SPSB4: variants seen among roughly 807,000 people sequenced by gnomAD.
The protein encoded by SPSB4 is splA/ryanodine receptor domain and SOCS box containing 4, also known as SPRY domain-containing SOCS box protein 4.
Under a neutral mutation model 20.9 loss-of-function variants are expected in SPSB4, and 21 were observed. The observed-to-expected ratio is 1.01, with a 90% CI of 0.71 to 1.45. The LOEUF is 1.45. Among genes scored for constraint, SPSB4 ranks in the 40% most tolerant of loss-of-function variants. SPSB4 has a pLI of 0.00. For missense variants in SPSB4, 399 were observed against 399.2 expected, an observed-to-expected ratio of 1.00 and a Z score of 0.00; for synonymous variants, 207 against 183.8, an observed-to-expected ratio of 1.13 and a Z score of -1.02.
intron 2 of SPSB4, among the ~76,000 whole-genome samples, chr3:141,140,932 A>G (rs980359882): frequency 1.3e-5 from 2 of 152,246 alleles, no homozygotes; most frequent in East Asian, 3.8e-4. Flanking sequence ...CCAGAGGTGG[A>G]GCCTCCAGAG....
chr3:141,140,844 C>T (rs1939314133), intron 2 of SPSB4, among the ~76,000 whole-genome samples: 2 of 152,224 alleles, frequency 1.3e-5, no homozygotes, highest in African/African-American at 4.8e-5. Context: ...AGAACCACTA[C>T]TCTCTTCAAA....
chr3:141,072,329 T>A (rs1409017031), intron 2 of SPSB4, among the ~76,000 whole-genome samples: 1 of 152,258 alleles, frequency 6.6e-6, no homozygotes, highest in East Asian at 1.9e-4. Context: ...ATTTACTTGA[T>A]ATCGCTTGGA....
chr3:141,055,101 G>A (rs980847231), intron 1 of SPSB4, among the ~76,000 whole-genome samples: 1 of 152,238 alleles, frequency 6.6e-6, no homozygotes, highest in Non-Finnish European at 1.5e-5. Context: ...AAGGCTGGTT[G>A]GGCACTGGCT....
intron 2 of SPSB4, among the ~76,000 whole-genome samples, chr3:141,138,782 G>A (rs1939272949): frequency 6.6e-6 from 1 of 152,138 alleles, no homozygotes; most frequent in African/African-American, 2.4e-5. Flanking sequence ...GAATAGGTGT[G>A]GTGTGGTACT....
intron 2 of SPSB4, among the ~76,000 whole-genome samples, chr3:141,121,505 G>A (rs1938965715): frequency 6.6e-6 from 1 of 152,164 alleles, no homozygotes; most frequent in South Asian, 2.1e-4. Flanking sequence ...CCTGAAGAGT[G>A]TTTTCTAACT....
At chr3:141,099,300 T>G (rs1023040272) in intron 2 of SPSB4, among the ~76,000 whole-genome samples, 2 of 152,004 alleles carry the variant, frequency 1.3e-5, no homozygotes, top group African/African-American at 4.8e-5. Context: ...TTCTCCTGCC[T>G]CAGCCTCCCG....
At chr3:141,054,822 C>G (rs9784359) in intron 1 of SPSB4, among the ~76,000 whole-genome samples, 1 of 152,216 alleles carries the variant, frequency 6.6e-6, no homozygotes, top group African/African-American at 2.4e-5. Flanking sequence ...AAAATTAGCC[C>G]GGCGTGGCGG....
intron 2 of SPSB4, among the ~76,000 whole-genome samples, chr3:141,133,153 A>G (rs1464969768): frequency 6.6e-6 from 1 of 151,808 alleles, no homozygotes; most frequent in East Asian, 1.9e-4. Context: ...TTGATGGATT[A>G]TTTGTTTTTT....
chr3:141,069,763 G>T (rs1026942383), intron 2 of SPSB4, among the ~76,000 whole-genome samples: 13 of 152,140 alleles, frequency 8.5e-5, no homozygotes, highest in Admixed American at 2.6e-4. Flanking sequence ...CATAGCAATT[G>T]GTGCCCCTGT....
At chr3:141,134,098 A>G (rs1403246219) in intron 2 of SPSB4, among the ~76,000 whole-genome samples, 4 of 57,340 alleles carry the variant, frequency 7.0e-5, no homozygotes, top group African/African-American at 2.8e-4. Flanking sequence ...AAAGGGATTG[A>G]GTTCTTGATT....
intron 2 of SPSB4, among the ~76,000 whole-genome samples, chr3:141,119,309 G>T (rs570259195): frequency 6.6e-6 from 1 of 152,080 alleles, no homozygotes; most frequent in East Asian, 1.9e-4. Flanking sequence ...GTTGGTGTAT[G>T]GGAATGCTTC....
intron 1 of SPSB4, among the ~76,000 whole-genome samples, chr3:141,062,066 C>T (rs964288787): frequency 1.3e-5 from 2 of 152,174 alleles, no homozygotes; most frequent in Admixed American, 6.5e-5. Context: ...CAGATCCCAT[C>T]CAGGATACCA....
intron 2 of SPSB4, among the ~76,000 whole-genome samples, chr3:141,075,890 TACA>T (rs1938096485): frequency 5.5e-5 from 1 of 18,334 alleles, no homozygotes; most frequent in Non-Finnish European, 1.0e-4. Flanking sequence ...CTACTAAAAA[TACA>T]AAAAAAAAAA....
At chr3:141,075,354 A>T (rs957400921) in intron 2 of SPSB4, among the ~76,000 whole-genome samples, 1 of 152,166 alleles carries the variant, frequency 6.6e-6, no homozygotes, top group African/African-American at 2.4e-5. Flanking sequence ...GCCGCCGCTC[A>T]GACCATACAA....
At chr3:141,090,865 G>A (rs1388547139) in intron 2 of SPSB4, among the ~76,000 whole-genome samples, 1 of 152,254 alleles carries the variant, frequency 6.6e-6, no homozygotes, top group African/African-American at 2.4e-5. Flanking sequence ...TTCAATTAAG[G>A]TAAGAGATGC....
chr3:141,117,641 C>G (rs1202209077), intron 2 of SPSB4, among the ~76,000 whole-genome samples: 1 of 152,214 alleles, frequency 6.6e-6, no homozygotes, highest in Non-Finnish European at 1.5e-5. Flanking sequence ...CTAATGCTAT[C>G]CCTCCTATAG....
intron 2 of SPSB4, among the ~76,000 whole-genome samples, chr3:141,138,249 T>C (rs1348056864): frequency 1.3e-5 from 2 of 152,184 alleles, no homozygotes; most frequent in Admixed American, 1.3e-4. Flanking sequence ...GTCTTGCTAG[T>C]GGTCTATCAA....
At chr3:141,124,281 G>A (rs986683650) in intron 2 of SPSB4, 1 of 152,270 alleles carries the variant, frequency 6.6e-6, no homozygotes, top group Non-Finnish European at 1.5e-5. Flanking sequence ...TCCAGCAACA[G>A]GGAACAGTTC....
intron 2 of SPSB4, among the ~76,000 whole-genome samples, chr3:141,119,858 A>G (rs1269749935): frequency 2.0e-5 from 3 of 152,100 alleles, no homozygotes; most frequent in African/African-American, 7.2e-5. Context: ...TTTTCAAAAA[A>G]CCAGCTCCTG....
Sources: allele counts gnomAD v4.1 joint callset (sites outside exome capture counted in the v4.1 genomes callset), GRCh38; gene constraint gnomAD v4.1.1; transcripts MANE v1.5; gene names NCBI Gene and HGNC (gene_info 2026-07-23, HGNC 2026-07-21).